Variants in GRM5 observed in about 807,000 individuals in gnomAD.
The protein encoded by GRM5 is metabotropic glutamate receptor 5.
GRM5 carries 19 observed loss-of-function variants against 83.1 expected under a neutral mutation model. The ratio of observed to expected loss-of-function variants is 0.23; its 90% CI spans 0.16 to 0.34. The LOEUF (loss-of-function observed/expected upper bound fraction) is 0.34. GRM5 is among the 10% of genes least tolerant of loss of function. The pLI, the probability that GRM5 is intolerant of heterozygous loss-of-function variation, is 1.00. For synonymous variants in GRM5, 675 were observed against 633.6 expected, an observed-to-expected ratio of 1.07 and a Z score of -0.98; for missense variants, 1,160 against 1,588.3, an observed-to-expected ratio of 0.73 and a Z score of 4.58.
intron 3 of GRM5, among the ~76,000 whole-genome samples, chr11:88,781,730 T>G (rs1210329521): frequency 6.6e-6 from 1 of 152,198 alleles, no homozygotes; most frequent in Non-Finnish European, 1.5e-5. Context: ...GACATTAATG[T>G]GCTGACCACA....
At position 88,507,552 on chromosome 11, in the gene GRM5, CGAAAA is replaced by C. The variant is rs1217211684; in HGVS notation, c.*1035_*1039del. On this transcript the variant is annotated 3_prime_UTR_variant, in exon 10 of 10. Transcript: ENST00000305447. ...GGACCACTCTTCCAGTGGTGGGACT[CGAAAA>C]GAACAAAGGAGCTCTTTGTGCATCA... 6.6e-6 allele frequency: 1 copy of C among 152,030 alleles called. No homozygotes were observed. Among genetic ancestry groups the C allele is most frequent in the African/African-American group, 2.4e-5 (1 of 41,376 alleles). The allele number at this position is 152,030 out of a possible 1,614,324, so 9.4% of individuals were successfully genotyped here. A position where few individuals can be genotyped will look rare whatever the true frequency, so the allele number is the denominator to read the frequency against.
At chr11:89,007,937 C>A (rs1311721966) in intron 2 of GRM5, among the ~76,000 whole-genome samples, 1 of 152,138 alleles carries the variant, frequency 6.6e-6, no homozygotes, top group East Asian at 1.9e-4. Flanking sequence ...TAATCACTCA[C>A]AATATTAATG....
intron 9 of GRM5, among the ~76,000 whole-genome samples, chr11:88,516,613 C>T (rs1247172226): frequency 2.6e-5 from 4 of 152,064 alleles, no homozygotes; most frequent in Admixed American, 6.5e-5. Flanking sequence ...ATCTGATGTA[C>T]GAAGGGGATG....
chr11:88,928,028 C>A (rs968126759), intron 2 of GRM5, among the ~76,000 whole-genome samples: 3 of 151,996 alleles, frequency 2.0e-5, no homozygotes, highest in African/African-American at 7.2e-5. Flanking sequence ...GTAGCTTCGG[C>A]AGGTGTTATT....
chr11:89,009,911 A>C (rs1295486982), intron 2 of GRM5, among the ~76,000 whole-genome samples: 33 of 126,930 alleles, frequency 2.6e-4, no homozygotes, highest in East Asian at 9.0e-4. Flanking sequence ...AAAAAAAAAA[A>C]AAAAAAAAAA....
intron 1 of GRM5, among the ~76,000 whole-genome samples, chr11:89,052,099 G>A (rs1214020319): frequency 6.6e-6 from 1 of 152,054 alleles, no homozygotes; most frequent in Non-Finnish European, 1.5e-5. Flanking sequence ...AACACGTGAG[G>A]GGCAGAAGAA....
intron 2 of GRM5, among the ~76,000 whole-genome samples, chr11:88,941,574 G>C (rs1198275140): frequency 9.5e-6 from 1 of 104,834 alleles, no homozygotes; most frequent in Admixed American, 9.6e-5. Flanking sequence ...GAGGAGAGGA[G>C]GAGAGGGAAG....
intron 9 of GRM5, among the ~76,000 whole-genome samples, chr11:88,520,979 A>C (rs1941668684): frequency 6.6e-6 from 1 of 152,134 alleles, no homozygotes; most frequent in East Asian, 1.9e-4. Context: ...AAATAACCCC[A>C]TCCCACCCTC....
chr11:88,703,171 TG>T (rs1477463166), intron 3 of GRM5, among the ~76,000 whole-genome samples: 2 of 152,068 alleles, frequency 1.3e-5, no homozygotes, highest in Admixed American at 6.6e-5. Flanking sequence ...GAGAAAGCGC[TG>T]GGTCCTCTCC....
chr11:88,507,041 T>C lies in GRM5; in HGVS notation c.*1551A>G, dbSNP rs147526099. On this transcript the variant is annotated 3_prime_UTR_variant, in exon 10 of 10. Coordinates refer to ENST00000305447, the MANE Select transcript of GRM5 (RefSeq NM_001143831.3). Reference sequence around the variant, plus strand: ...CTATCCTTATTTAAAAATCAAAACATTTGGTACCTGAGGATAGCTGCAATG... The same window carrying C: ...CTATCCTTATTTAAAAATCAAAACACTTGGTACCTGAGGATAGCTGCAATG... The C allele has an allele frequency of 5.7e-4, 87 of 151,582 alleles. No individual in the cohort carries two copies. The highest frequency in any genetic ancestry group is 2.1e-3 in the African/African-American group (85 of 40,908). The allele number at this position is 151,582 out of a possible 1,614,324, so 9.4% of individuals were successfully genotyped here. A position where few individuals can be genotyped will look rare whatever the true frequency, so the allele number is the denominator to read the frequency against.
chr11:88,700,726 G>A (rs146065550), intron 3 of GRM5, among the ~76,000 whole-genome samples: 34 of 152,208 alleles, frequency 2.2e-4, no homozygotes, highest in African/African-American at 7.9e-4. Context: ...AGCCAAGGAG[G>A]TGTGACAGTG....
chr11:88,988,048 G>A (rs796955199), intron 2 of GRM5, among the ~76,000 whole-genome samples: 33 of 151,128 alleles, frequency 2.2e-4, no homozygotes, highest in African/African-American at 7.6e-4. Context: ...GGCTTCAGAC[G>A]ATCAAATTAC....
At chr11:88,813,551 T>C (rs1943620399) in intron 3 of GRM5, among the ~76,000 whole-genome samples, 2 of 152,192 alleles carry the variant, frequency 1.3e-5, no homozygotes, top group African/African-American at 4.8e-5. Context: ...GTGGAATGAC[T>C]TCTAGTTTTC....
chr11:88,748,306 A>G (rs1942186945), intron 3 of GRM5, among the ~76,000 whole-genome samples: 1 of 152,104 alleles, frequency 6.6e-6, no homozygotes, highest in African/African-American at 2.4e-5. Context: ...AACCATAGCT[A>G]TACCTAGGAA....
intron 3 of GRM5, among the ~76,000 whole-genome samples, chr11:88,821,662 C>G (rs1244118249): frequency 6.6e-6 from 1 of 152,126 alleles, no homozygotes; most frequent in Non-Finnish European, 1.5e-5. Context: ...CCTTTCGATA[C>G]AAAATTTGCT....
chr11:88,630,641 C>T (rs944369448), intron 4 of GRM5, among the ~76,000 whole-genome samples: 5 of 151,582 alleles, frequency 3.3e-5, no homozygotes, highest in Middle Eastern at 3.4e-3. Context: ...TGCAATGGTG[C>T]GATCTTGGCT....
At chr11:89,064,888 C>CTCTCTGTGTG (rs1218318990) in intron 1 of GRM5, among the ~76,000 whole-genome samples, 4 of 62,212 alleles carry the variant, frequency 6.4e-5, no homozygotes, top group African/African-American at 2.8e-4. Context: ...CTCTCTCTCT[C>CTCTCTGTGTG]TGTGTGTGTG....
At chr11:88,833,910 C>A (rs1304934955) in intron 3 of GRM5, among the ~76,000 whole-genome samples, 4 of 151,356 alleles carry the variant, frequency 2.6e-5, no homozygotes, top group Admixed American at 2.0e-4. Context: ...TATGTGGGAC[C>A]AAAAAAAAGG....
chr11:88,689,989 A>T (rs910272778), intron 3 of GRM5, among the ~76,000 whole-genome samples: 20 of 152,170 alleles, frequency 1.3e-4, no homozygotes, highest in Non-Finnish European at 2.4e-4. Flanking sequence ...GTACTGGGGA[A>T]TCAAAATAAA....
Sources: gnomAD v4.1 joint callset for allele counts (sites outside exome capture counted in the v4.1 genomes callset) on GRCh38, gnomAD v4.1.1 for gene constraint, MANE v1.5 for transcripts, NCBI Gene and HGNC (gene_info 2026-07-23, HGNC 2026-07-21) for gene names.